ANKRD11: variants seen among roughly 807,000 people sequenced by gnomAD.
ANKRD11 encodes the protein ankyrin repeat domain 11.
Under a neutral mutation model 195.7 loss-of-function variants are expected in ANKRD11, and 17 were observed. The observed-to-expected ratio is 0.09, with a 90% CI of 0.06 to 0.13. The LOEUF is 0.13. ANKRD11 is among the 10% of genes least tolerant of loss of function. ANKRD11 has a pLI of 1.00. For synonymous variants in ANKRD11, 1,953 were observed against 1,528.1 expected (o/e 1.28, Z -6.49); for missense variants, 3,735 against 3,566.1 (o/e 1.05, Z -1.21).
intron 1 of ANKRD11, among the ~76,000 whole-genome samples, chr16:89,478,272 G>A (rs1470817502): frequency 3.9e-5 from 6 of 151,988 alleles, no homozygotes; most frequent in Admixed American, 1.3e-4. Context: ...CAGGGTCCAG[G>A]AAACAGACAT....
At chr16:89,301,039 C>T (rs1242510891) in intron 4 of ANKRD11, 8 of 571,666 alleles carry the variant, frequency 1.4e-5, no homozygotes, top group African/African-American at 9.6e-5. Context: ...CTCCCCAGAA[C>T]CCCAGGGAGG....
intron 1 of ANKRD11, among the ~76,000 whole-genome samples, chr16:89,452,464 T>C (rs1247219324): frequency 2.0e-5 from 3 of 151,962 alleles, no homozygotes. Context: ...ACCTTTCTGT[T>C]AGAAACCACA....
Position 89,441,220 on chromosome 16 carries a change from A to G in ANKRD11, c.-144-22852T>C, listed in dbSNP as rs539695297. Among the ~76,000 whole-genome samples, 303 of 152,128 alleles carry G rather than the reference A, an allele frequency of 2.0e-3. 1 individual carries two copies. The highest frequency in any genetic ancestry group is 6.7e-3 in the African/African-American group (278 of 41,500). On this transcript the variant is annotated intron_variant, in intron 1 of 12. Coordinates refer to ENST00000301030, the MANE Select transcript of ANKRD11 (RefSeq NM_013275.6). The stretch of plus-strand genomic sequence containing the variant: ...CACTGCACTCCAGCCTGGGCCACAA[A>G]GTGAGACTCCGTCTCAAAAAAAAAA...
At chr16:89,464,108 G>C (rs538521065) in intron 1 of ANKRD11, among the ~76,000 whole-genome samples, 1 of 151,804 alleles carries the variant, frequency 6.6e-6, no homozygotes, top group Non-Finnish European at 1.5e-5. Context: ...GCATGGTGGC[G>C]GGCGCCTGTA....
At chr16:89,442,216 C>G (rs1415200743) in intron 1 of ANKRD11, among the ~76,000 whole-genome samples, 2 of 152,224 alleles carry the variant, frequency 1.3e-5, no homozygotes, top group Non-Finnish European at 2.9e-5. Flanking sequence ...CCCACTGGTG[C>G]CAGTGCTTTG....
intron 1 of ANKRD11, among the ~76,000 whole-genome samples, chr16:89,476,977 T>C (rs867418535): frequency 2.0e-5 from 3 of 152,154 alleles, no homozygotes; most frequent in Non-Finnish European, 4.4e-5. Flanking sequence ...GAGGAGCTCG[T>C]TAAGCTCAGA....
chr16:89,313,456 T>C (rs1428539626), intron 3 of ANKRD11: 4 of 1,289,068 alleles, frequency 3.1e-6, no homozygotes, highest in East Asian at 5.5e-5. Context: ...CCTGCCACTG[T>C]GCTCACTGGT....
chr16:89,304,973 G>C, intron 4 of ANKRD11: 1 of 619,008 alleles, frequency 1.6e-6, no homozygotes, highest in South Asian at 2.2e-5. Context: ...CACGTGTGTG[G>C]GACCCAAGAG....
chr16:89,363,314 T>G (rs1237123052), intron 2 of ANKRD11, among the ~76,000 whole-genome samples: 1 of 152,186 alleles, frequency 6.6e-6, no homozygotes, highest in East Asian at 1.9e-4. Context: ...ATTTGTTATT[T>G]ATGCTTAAAT....
intron 1 of ANKRD11, among the ~76,000 whole-genome samples, chr16:89,453,956 G>T (rs2056312371): frequency 6.6e-6 from 1 of 152,212 alleles, no homozygotes; most frequent in African/African-American, 2.4e-5. Context: ...GCCACAAGGG[G>T]CAGAGGAGCA....
In ANKRD11 at chr16:89,487,885, C is replaced by T. The variant is rs539916676; in HGVS notation, c.-145+2360G>A. 4.7e-4 allele frequency among the ~76,000 whole-genome samples: 71 copies of T among 152,042 alleles called. No individual in the cohort carries two copies. The South Asian group carries it at 0.014, about 30-fold the overall frequency. ...ATTTGTAGGGAGTTCTACTTGCCAC[C>T]GTATCAACACTGTAATTACCGCTAA... On this transcript the variant is annotated intron_variant, in intron 1 of 12. Coordinates refer to ENST00000301030, the MANE Select transcript of ANKRD11 (RefSeq NM_013275.6).
At position 89,281,336 on chromosome 16, in the gene ANKRD11, C is replaced by A. The variant is rs1225770004; in HGVS notation, c.5206G>T (p.Val1736Leu). 1.2e-6 allele frequency: 2 copies of A among 1,613,418 alleles called. No homozygotes were observed. Among genetic ancestry groups the A allele is most frequent in the Non-Finnish European group, 1.7e-6 (2 of 1,179,546 alleles). The part of the protein sequence containing the change: ...SCSADDYADL[V>L]FDCADSQHST... ...TGCTGCGAGTCGGCGCAGTCGAACA[C>A]GAGGTCCGCGTAGTCATCGGCGCTG... Residue 1736 changes from valine (V) to leucine (L), a missense_variant, in exon 9 of 13, where the codon GTG (valine) becomes TTG (leucine). Physicochemically the swap from Val to Leu is conservative, Grantham distance 32. Coordinates refer to ENST00000301030, the MANE Select transcript of ANKRD11 (RefSeq NM_013275.6). This position sits in a 1 kb window ranked among gnomAD's most constrained non-coding sequence, Gnocchi z 5.5.
intron 2 of ANKRD11, among the ~76,000 whole-genome samples, chr16:89,337,561 C>A (rs767370256): frequency 6.6e-6 from 1 of 150,406 alleles, no homozygotes. Context: ...CTCAACCTCC[C>A]GAGTAGCTGG....
chr16:89,363,547 T>C (rs191374828), intron 2 of ANKRD11, among the ~76,000 whole-genome samples: 2 of 152,140 alleles, frequency 1.3e-5, no homozygotes, highest in Non-Finnish European at 2.9e-5. Flanking sequence ...AAACCTTACA[T>C]AGTTCACAAT....
chr16:89,389,619 G>A (rs1030996681), intron 2 of ANKRD11, among the ~76,000 whole-genome samples: 5 of 152,336 alleles, frequency 3.3e-5, no homozygotes, highest in African/African-American at 1.2e-4. Context: ...GGGATTCACA[G>A]AAGAACAGGC....
chr16:89,403,512 G>C (rs1189349428), intron 2 of ANKRD11: 2 of 152,004 alleles, frequency 1.3e-5, no homozygotes, highest in African/African-American at 4.8e-5. Context: ...AAAGCAACTG[G>C]ACACACGCTC....
At position 89,286,074 on chromosome 16, in the gene ANKRD11, T is replaced by C. The variant is rs2034623869; in HGVS notation, c.857A>G (p.Lys286Arg). 1.9e-6 allele frequency: 3 copies of C among 1,614,088 alleles called. No homozygotes were observed. In the South Asian group the frequency reaches 3.3e-5, roughly 18 times the overall value. Residue 286 changes from lysine to arginine, a missense_variant, in exon 8 of 13, where the codon AAA (lysine) becomes AGA (arginine). Physicochemically the swap from Lys to Arg is conservative, Grantham distance 26. Coordinates refer to ENST00000301030, the MANE Select transcript of ANKRD11 (RefSeq NM_013275.6). Reference protein sequence around the residue: ...SPTMVNLLLGKGTYTSSEESS... With the variant: ...SPTMVNLLLGRGTYTSSEESS... Reference sequence around the variant, plus strand: ...CTCCTCGCTGGAAGTGTAAGTGCCTTTGCCTAACAGGAGGTTCACCATCGT... The same window carrying C: ...CTCCTCGCTGGAAGTGTAAGTGCCTCTGCCTAACAGGAGGTTCACCATCGT...
chr16:89,403,985 A>G (rs1228863499), intron 2 of ANKRD11, among the ~76,000 whole-genome samples: 1 of 152,206 alleles, frequency 6.6e-6, no homozygotes, highest in Non-Finnish European at 1.5e-5. Flanking sequence ...CAAGATTATA[A>G]AACTAAAATA....
intron 2 of ANKRD11, among the ~76,000 whole-genome samples, chr16:89,380,234 C>A (rs1371773675): frequency 1.3e-5 from 2 of 152,106 alleles, no homozygotes; most frequent in African/African-American, 4.8e-5. Flanking sequence ...TGTCTCTGCC[C>A]CCCGAGTAGT....
Sources: allele counts gnomAD v4.1 joint callset (sites outside exome capture counted in the v4.1 genomes callset), GRCh38; gene constraint gnomAD v4.1.1; non-coding constraint Gnocchi (gnomAD v3.1); transcripts MANE v1.5; gene names NCBI Gene and HGNC (gene_info 2026-07-23, HGNC 2026-07-21).